GRB10: variants seen among roughly 807,000 people sequenced by gnomAD.
The protein encoded by GRB10 is growth factor receptor-bound protein 10.
GRB10 carries 20 observed loss-of-function variants against 80.9 expected under a neutral mutation model. The observed-to-expected ratio is 0.25, with a 90% CI of 0.17 to 0.36. The LOEUF (loss-of-function observed/expected upper bound fraction) is 0.36. Ranked by LOEUF, GRB10 falls within the 10% of genes least tolerant of loss-of-function variation. The probability of loss-of-function intolerance (pLI) is 1.00; values close to 1 mark genes in which losing one functional copy is unlikely to be tolerated. For synonymous variants in GRB10, 291 were observed against 291.5 expected, an observed-to-expected ratio of 1.00 and a Z score of 0.02; for missense variants, 548 against 747.7, an observed-to-expected ratio of 0.73 and a Z score of 3.12.
At chr7:50,594,609 A>G (rs2046310596) in intron 18 of GRB10, among the ~76,000 whole-genome samples, 2 of 152,190 alleles carry the variant, frequency 1.3e-5, no homozygotes, top group Admixed American at 6.5e-5. Flanking sequence ...CACAAACATT[A>G]TCATTACCTG....
chr7:50,592,698 C>T lies in GRB10; in HGVS notation c.*254G>A. 9.3e-6 allele frequency: 5 copies of T among 540,112 alleles called. No individual in the cohort carries two copies. Among genetic ancestry groups the T allele is most frequent in the Non-Finnish European group, 1.7e-5 (5 of 298,628 alleles). 33.5% of individuals were successfully genotyped at this position (540,112 alleles called of 1,614,324 possible). ...CAAGATGATCATTCCAGTTTATTTT[C>T]AACTTTCCGCTGGATCTTCCATGCC... is the stretch of plus-strand genomic sequence containing the variant. On this transcript the variant is annotated 3_prime_UTR_variant, in exon 19 of 19. Transcript: ENST00000401949.
At chr7:50,779,806 G>A (rs1413875186) in intron 2 of GRB10, 1 of 152,178 alleles carries the variant, frequency 6.6e-6, no homozygotes, top group Non-Finnish European at 1.5e-5. Flanking sequence ...ATTATTTGTA[G>A]GTGACTTACA....
At chr7:50,718,237 A>G (rs1245850819) in intron 4 of GRB10, among the ~76,000 whole-genome samples, 1 of 152,310 alleles carries the variant, frequency 6.6e-6, no homozygotes, top group East Asian at 1.9e-4. Flanking sequence ...GAGAGAGGGG[A>G]GGCCAGTTTG....
At chr7:50,628,556 T>C (rs1441802959) in intron 7 of GRB10, among the ~76,000 whole-genome samples, 2 of 120,956 alleles carry the variant, frequency 1.7e-5, no homozygotes, top group African/African-American at 6.1e-5. Context: ...CAAGCCTGAG[T>C]GCCCAGGTGG....
Position 50,605,329 on chromosome 7 carries a change from C to T in GRB10, c.1350G>A (p.Glu450=). 6.2e-7 allele frequency: 1 copy of T among 1,614,172 alleles called. No homozygotes were observed. Among genetic ancestry groups the T allele is most frequent in the Non-Finnish European group, 8.5e-7 (1 of 1,180,020 alleles). ...QTGRVIENPA[E]AQSAALEEGH... ...CCTCCTCCAGGGCTGCGCTCTGGGC[C>T]TCTGCCGGATTCTCTATCACGCGTC... The change falls in exon 15 of 19, where the codon GAG becomes GAA. Residue 450 remains glutamate (E), a synonymous_variant. Coordinates refer to ENST00000401949, the MANE Select transcript of GRB10 (RefSeq NM_001350814.2).
intron 5 of GRB10, among the ~76,000 whole-genome samples, chr7:50,676,235 C>T (rs2060909862): frequency 6.6e-6 from 1 of 151,534 alleles, no homozygotes; most frequent in Non-Finnish European, 1.5e-5. Context: ...TCACCCTGCC[C>T]TGCTCCTAGT....
chr7:50,711,090 C>A, intron 4 of GRB10: 1 of 626,524 alleles, frequency 1.6e-6, no homozygotes, highest in Admixed American at 2.5e-5. Context: ...ATGTCTTCCA[C>A]CTGGGAGAAT....
intron 2 of GRB10, among the ~76,000 whole-genome samples, chr7:50,759,004 C>A (rs896605094): frequency 1.3e-5 from 2 of 151,546 alleles, no homozygotes; most frequent in Non-Finnish European, 2.9e-5. Context: ...TGGCATATAG[C>A]GTGACCCTGT....
In GRB10 at chr7:50,706,093, T is replaced by C. The variant is rs972579637; in HGVS notation, c.52-2185A>G. ...AATCCATGCAAAGAAAATTTTTATA[T>C]AAATATCTAACCTAGAGTAGATAGA... is the stretch of plus-strand genomic sequence containing the variant. On this transcript the variant is annotated intron_variant, in intron 4 of 18. Transcript: ENST00000401949. 3.3e-5 allele frequency among the ~76,000 whole-genome samples: 5 copies of C among 152,356 alleles called. No individual in the cohort carries two copies. In the South Asian group the frequency reaches 6.2e-4, roughly 19 times the overall value.
In GRB10 at chr7:50,616,134, C is replaced by T. The variant is rs541751041; in HGVS notation, c.984+76G>A. The T allele has an allele frequency of 1.7e-4, 269 of 1,557,018 alleles. 4 individuals carry two copies. The highest frequency in any genetic ancestry group is 5.2e-4 in the South Asian group (47 of 89,720). ...TCTAAGGTGCATTTAAAAATGAAGC[C>T]CAGGTTCACTCTGAGGACCTGGGGG... On this transcript the variant is annotated intron_variant, in intron 11 of 18. Transcript: ENST00000401949.
At chr7:50,772,281 A>G (rs977927791) in intron 2 of GRB10, among the ~76,000 whole-genome samples, 2 of 152,208 alleles carry the variant, frequency 1.3e-5, no homozygotes, top group African/African-American at 2.4e-5. Flanking sequence ...ACGCCACACT[A>G]TAACATAAAA....
chr7:50,646,950 C>A (rs937347057), intron 7 of GRB10, among the ~76,000 whole-genome samples: 27 of 152,164 alleles, frequency 1.8e-4, no homozygotes, highest in African/African-American at 6.5e-4. Flanking sequence ...AGGCTCAAGG[C>A]TCCTCCACTC....
chr7:50,614,485 C>T (rs2050170347), intron 12 of GRB10, among the ~76,000 whole-genome samples: 1 of 152,210 alleles, frequency 6.6e-6, no homozygotes, highest in Admixed American at 6.5e-5. Context: ...TACTGGGCTA[C>T]AGCCACAGCC....
chr7:50,701,421 A>G (rs1341960953), intron 5 of GRB10, among the ~76,000 whole-genome samples: 1 of 151,938 alleles, frequency 6.6e-6, no homozygotes, highest in African/African-American at 2.4e-5. Flanking sequence ...GCAAGGACCT[A>G]TCTCTACAAA....
chr7:50,645,274 C>G (rs1293421160), intron 7 of GRB10, among the ~76,000 whole-genome samples: 2 of 152,092 alleles, frequency 1.3e-5, no homozygotes, highest in Non-Finnish European at 2.9e-5. Flanking sequence ...ATACTGATAA[C>G]TGGAAAGGCA....
intron 7 of GRB10, among the ~76,000 whole-genome samples, chr7:50,662,046 C>T (rs151020228): frequency 1.7e-4 from 26 of 152,332 alleles, no homozygotes; most frequent in African/African-American, 6.3e-4. Flanking sequence ...CAGTGTCCCA[C>T]GCTTGCCAGG....
At chr7:50,696,897 G>A (rs2063495596) in intron 5 of GRB10, among the ~76,000 whole-genome samples, 1 of 152,156 alleles carries the variant, frequency 6.6e-6, no homozygotes, top group Non-Finnish European at 1.5e-5. Context: ...GCCACAAGGT[G>A]GAGGCAACCC....
At chr7:50,720,995 GAAAGA>G (rs77013837) in intron 4 of GRB10, among the ~76,000 whole-genome samples, 137,064 of 151,838 alleles carry the variant, frequency 0.9, 61,967 homozygotes, top group African/African-American at 0.95. Context: ...CCAGGTGCCA[GAAAGA>G]AAAGAAAAGA....
intron 3 of GRB10, among the ~76,000 whole-genome samples, chr7:50,737,575 G>A (rs770147929): frequency 6.6e-6 from 1 of 152,164 alleles, no homozygotes; most frequent in Non-Finnish European, 1.5e-5. Context: ...TAGGCCGGGC[G>A]TGGTGGCTCA....
Sources: gnomAD v4.1 joint callset for allele counts (sites outside exome capture counted in the v4.1 genomes callset) on GRCh38, gnomAD v4.1.1 for gene constraint, MANE v1.5 for transcripts, NCBI Gene and HGNC (gene_info 2026-07-23, HGNC 2026-07-21) for gene names.